Variants in ADGRG5 observed in about 807,000 individuals in gnomAD.
The protein encoded by ADGRG5 is adhesion G protein-coupled receptor G5.
ADGRG5 carries 37 observed loss-of-function variants against 53.2 expected under a neutral mutation model. That is an observed-to-expected ratio of 0.70 (90% CI 0.53 to 0.91). ADGRG5 has a LOEUF of 0.91. Ranked by LOEUF, ADGRG5 falls within the 40% of genes least tolerant of loss-of-function variation. The pLI, the probability that ADGRG5 is intolerant of heterozygous loss-of-function variation, is 0.00. For missense variants in ADGRG5, 614 were observed against 675.8 expected (o/e 0.91, Z 1.01); for synonymous variants, 277 against 290.4 (o/e 0.95, Z 0.47).
chr16:57,575,208 C>T (rs1262216181), intron 11 of ADGRG5, 116 bp downstream of exon 11: 1 of 1,192,654 alleles, frequency 8.4e-7, no homozygotes, highest in Non-Finnish European at 1.2e-6. Context: ...AACATCCAGC[C>T]CACAGCTCCA....
At chr16:57,534,893 T>C in the ADGRG5 span, among the ~76,000 whole-genome samples, 3 of 152,142 alleles carry the variant, frequency 2.0e-5, no homozygotes, top group Non-Finnish European at 4.4e-5. Flanking sequence ...GGGAACAGCG[T>C]TGTGTTTTGT....
the ADGRG5 span, among the ~76,000 whole-genome samples, chr16:57,531,197 A>ATCTTGGTTAAAATAGAACTTGCTGCC: frequency 6.6e-6 from 1 of 151,760 alleles, no homozygotes; most frequent in African/African-American, 2.4e-5. Flanking sequence ...ATTCAGGCTC[A>ATCTTGGTTAAAATAGAACTTGCTGCC]TCTTGGTTAA....
At chr16:57,557,941 A>G (rs2032919760) in intron 1 of ADGRG5, among the ~76,000 whole-genome samples, 1 of 152,190 alleles carries the variant, frequency 6.6e-6, no homozygotes, top group Admixed American at 6.5e-5. Context: ...GATAGTTCCA[A>G]CATTTTGGCC....
At chr16:57,559,751 A>G (rs2032959987) in intron 1 of ADGRG5, among the ~76,000 whole-genome samples, 1 of 151,878 alleles carries the variant, frequency 6.6e-6, no homozygotes, top group Admixed American at 6.5e-5. Context: ...GGCTAAAAAA[A>G]AAAAAGATTT....
At chr16:57,570,574 G>A (rs772682949) in intron 10 of ADGRG5, 39 bp downstream of exon 10, 2 of 1,416,708 alleles carry the variant, frequency 1.4e-6, no homozygotes, top group South Asian at 1.1e-5. Context: ...CCCTGGCTCT[G>A]GCAGAAGGGC....
rs987174382 is a variant in ADGRG5 at position 57,574,565 on chromosome 16, G to A, written c.1209-250G>A. Among the ~76,000 whole-genome samples, 1 of 152,246 alleles carries A rather than the reference G, an allele frequency of 6.6e-6. No individual in the cohort carries two copies. Among genetic ancestry groups the A allele is most frequent in the Non-Finnish European group, 1.5e-5 (1 of 68,044 alleles). Reference sequence around the variant, plus strand: ...ATTTTCAGGGGGGTGAAGACATGGGGACGTGAGAGAAACCACTGTGGCTGG... The same window carrying A: ...ATTTTCAGGGGGGTGAAGACATGGGAACGTGAGAGAAACCACTGTGGCTGG... On this transcript the variant is annotated intron_variant, in intron 10 of 11. Transcript: ENST00000349457. This position sits in a 1 kb window ranked among gnomAD's most constrained non-coding sequence, Gnocchi z 4.4.
chr16:57,551,051 T>A (rs1057030672), intron 1 of ADGRG5, among the ~76,000 whole-genome samples: 3 of 152,064 alleles, frequency 2.0e-5, no homozygotes, highest in African/African-American at 7.2e-5. Flanking sequence ...AAAAGTTATG[T>A]TTACATTATA....
chr16:57,575,335 G>T, intron 11 of ADGRG5, 103 bp from the exon 12 acceptor site: 1 of 1,117,586 alleles, frequency 8.9e-7, no homozygotes. Flanking sequence ...GATTCTGGGA[G>T]TTGCCCATGG....
At chr16:57,539,926 GT>G (rs1292417544), upstream of ADGRG5, among the ~76,000 whole-genome samples, 3 of 152,116 alleles carry the variant, frequency 2.0e-5, no homozygotes, top group African/African-American at 7.2e-5. Context: ...GACATAGTCT[GT>G]GTTAGAGAGG....
rs1295142907 is a variant in ADGRG5, at chr16:57,575,895, A to G, written c.*357A>G. On this transcript the variant is annotated 3_prime_UTR_variant, in exon 12 of 12. Coordinates refer to ENST00000349457, the MANE Select transcript of ADGRG5 (RefSeq NM_001304376.3). The stretch of plus-strand genomic sequence containing the variant: ...TATGACCTTGGGCCTGCCACTTCTC[A>G]CAGACCCTAGGTATCCACAGCTGTG... 4.6e-6 allele frequency: 1 copy of G among 218,594 alleles called. No individual in the cohort carries two copies. Among genetic ancestry groups the G allele is most frequent in the Non-Finnish European group, 9.4e-6 (1 of 106,502 alleles). The allele number at this position is 218,594 out of a possible 1,614,324, so 13.5% of individuals were successfully genotyped here. A position where few individuals can be genotyped will look rare whatever the true frequency, so the allele number is the denominator to read the frequency against.
chr16:57,546,595 C>A (rs1337083138), intron 1 of ADGRG5, among the ~76,000 whole-genome samples: 1 of 152,096 alleles, frequency 6.6e-6, no homozygotes, highest in Admixed American at 6.6e-5. Context: ...TTCTTTTGGC[C>A]AGGTAGAAGT....
chr16:57,561,389 T>TCCAC (rs756014076), intron 1 of ADGRG5, among the ~76,000 whole-genome samples: 3 of 152,212 alleles, frequency 2.0e-5, no homozygotes, highest in Non-Finnish European at 4.4e-5. Flanking sequence ...GTACAGGGTT[T>TCCAC]CCTGTACCCT....
upstream of ADGRG5, among the ~76,000 whole-genome samples, chr16:57,538,242 A>G (rs1217952129): frequency 6.6e-6 from 1 of 152,164 alleles, no homozygotes; most frequent in Non-Finnish European, 1.5e-5. Flanking sequence ...GGCAGCTCGC[A>G]TGATGTTATC....
intron 1 of ADGRG5, among the ~76,000 whole-genome samples, chr16:57,551,713 T>C (rs917046712): frequency 5.3e-5 from 8 of 152,256 alleles, no homozygotes; most frequent in African/African-American, 1.9e-4. Context: ...CCTGTTAATG[T>C]TGATATTTTG....
the ADGRG5 span, among the ~76,000 whole-genome samples, chr16:57,535,672 C>A: frequency 1.4e-5 from 2 of 141,860 alleles, no homozygotes; most frequent in Non-Finnish European, 3.1e-5. Flanking sequence ...GTGAACTCTT[C>A]ACTCTTGTAC....
the ADGRG5 span, among the ~76,000 whole-genome samples, chr16:57,530,030 G>A: frequency 2.3e-4 from 35 of 152,260 alleles, no homozygotes; most frequent in African/African-American, 8.2e-4. Flanking sequence ...CTCCATTTAT[G>A]GTATCTATGA....
chr16:57,564,492 G>A (rs768033814), intron 5 of ADGRG5, among the ~76,000 whole-genome samples: 5 of 152,112 alleles, frequency 3.3e-5, no homozygotes, highest in Admixed American at 2.0e-4. Context: ...AGTAGAGACC[G>A]GGTTTAACCA....
At chr16:57,529,455 A>G in the ADGRG5 span, 51 of 191,994 alleles carry the variant, frequency 2.7e-4, no homozygotes, top group Admixed American at 2.8e-3. The surrounding 1 kb of genome is among the most constrained non-coding windows in gnomAD (Gnocchi z 4.1). Context: ...GAGAGTCCCA[A>G]TGAGGCAGGA....
At chr16:57,541,504 G>T (rs542384748), upstream of ADGRG5, among the ~76,000 whole-genome samples, 1 of 152,298 alleles carries the variant, frequency 6.6e-6, no homozygotes, top group South Asian at 2.1e-4. Flanking sequence ...GTGCAGCTGG[G>T]GTGGGGACCT....
Sources: gnomAD v4.1 joint callset for allele counts (sites outside exome capture counted in the v4.1 genomes callset) on GRCh38, gnomAD v4.1.1 for gene constraint, Gnocchi (gnomAD v3.1) non-coding constraint, MANE v1.5 for transcripts, NCBI Gene and HGNC (gene_info 2026-07-23, HGNC 2026-07-21) for gene names.